UBTD1: variants seen among roughly 807,000 people sequenced by gnomAD.
UBTD1 encodes ubiquitin domain containing 1, also known as ubiquitin domain-containing protein 1.
In UBTD1, 19 loss-of-function variants were observed where a neutral mutation model predicts 21.7. The ratio of observed to expected loss-of-function variants is 0.87; its 90% confidence interval spans 0.61 to 1.28. The LOEUF (loss-of-function observed/expected upper bound fraction) is 1.28, where lower values mean the gene tolerates loss of function less well. UBTD1 is among the 50% of genes most tolerant of loss of function. UBTD1 has a pLI of 0.00. For missense variants in UBTD1, 282 were observed against 315.1 expected, an observed-to-expected ratio of 0.89 and a Z score of 0.80; for synonymous variants, 116 against 135.1, an observed-to-expected ratio of 0.86 and a Z score of 0.98.
chr10:97,506,271 G>A (rs936455209), intron 1 of UBTD1, among the ~76,000 whole-genome samples: 1 of 152,194 alleles, frequency 6.6e-6, no homozygotes, highest in Non-Finnish European at 1.5e-5. Context: ...AAGGCTCTGA[G>A]TGGGAAGAGC....
At chr10:97,523,858 C>T (rs2135665110) in intron 1 of UBTD1, among the ~76,000 whole-genome samples, 1 of 152,118 alleles carries the variant, frequency 6.6e-6, no homozygotes, top group African/African-American at 2.4e-5. Flanking sequence ...ACCCGACGTC[C>T]CTTGTTCCTG....
intron 1 of UBTD1, among the ~76,000 whole-genome samples, chr10:97,541,768 C>T (rs965896549): frequency 5.3e-5 from 7 of 130,950 alleles, no homozygotes; most frequent in South Asian, 2.5e-4. Flanking sequence ...CAATTTCACT[C>T]TTGTCATCCA....
chr10:97,529,436 G>C (rs569920621), intron 1 of UBTD1, among the ~76,000 whole-genome samples: 1 of 152,304 alleles, frequency 6.6e-6, no homozygotes, highest in Admixed American at 6.5e-5. Flanking sequence ...AGGTTGTAGC[G>C]AGCCGAGATC....
intron 1 of UBTD1, among the ~76,000 whole-genome samples, chr10:97,529,591 G>A (rs936896947): frequency 1.5e-4 from 10 of 66,382 alleles, no homozygotes; most frequent in Non-Finnish European, 3.3e-4. Context: ...GCGAAACCCC[G>A]TCTCCACCAA....
intron 1 of UBTD1, among the ~76,000 whole-genome samples, chr10:97,532,034 T>C (rs1372560016): frequency 6.6e-6 from 1 of 152,164 alleles, no homozygotes; most frequent in African/African-American, 2.4e-5. Context: ...GCTGGGTAGT[T>C]GGCCATCCTG....
intron 1 of UBTD1, among the ~76,000 whole-genome samples, chr10:97,551,703 T>TC (rs2040638244): frequency 6.6e-6 from 1 of 152,138 alleles, no homozygotes; most frequent in Non-Finnish European, 1.5e-5. Context: ...CACCGTCGGC[T>TC]CCCCAAACTC....
At chr10:97,550,637 A>C (rs1024417855) in intron 1 of UBTD1, among the ~76,000 whole-genome samples, 1 of 152,070 alleles carries the variant, frequency 6.6e-6, no homozygotes, top group Non-Finnish European at 1.5e-5. Context: ...AGTGGGATCT[A>C]TTCAGCTAGG....
intron 1 of UBTD1, among the ~76,000 whole-genome samples, chr10:97,529,732 GTGGAAAGAGAGGGAGAGGGAGACC>G (rs1280871630): frequency 0.014 from 750 of 54,782 alleles, 4 homozygotes; most frequent in Middle Eastern, 0.095. Context: ...GAGGGAGACC[GTGGAAAGAGAGGGAGAGGGAGACC>G]GTGGGGAGAG....
intron 1 of UBTD1, among the ~76,000 whole-genome samples, chr10:97,541,989 G>C (rs575853843): frequency 6.6e-6 from 1 of 152,160 alleles, no homozygotes; most frequent in Admixed American, 6.5e-5. Flanking sequence ...ACCTGCCTCG[G>C]CCTCCCAAAA....
intron 1 of UBTD1, among the ~76,000 whole-genome samples, chr10:97,528,797 G>T (rs1208728193): frequency 7.1e-6 from 1 of 141,220 alleles, no homozygotes; most frequent in South Asian, 2.3e-4. Context: ...CCTCCCGGAC[G>T]GGGCGGCTGG....
At chr10:97,531,136 C>T (rs1415450663) in intron 1 of UBTD1, among the ~76,000 whole-genome samples, 1 of 151,956 alleles carries the variant, frequency 6.6e-6, no homozygotes, top group African/African-American at 2.4e-5. Flanking sequence ...ATCCGCCCTC[C>T]TTGGCCTCCC....
Position 97,570,411 on chromosome 10 carries a change from G to C in UBTD1, c.572G>C (p.Trp191Ser), listed in dbSNP as rs1471605126. 1 of 1,613,408 alleles carries C rather than the reference G, an allele frequency of 6.2e-7. No homozygotes were observed. Among genetic ancestry groups the C allele is most frequent in the Admixed American group, 1.7e-5 (1 of 60,028 alleles). Reference sequence around the variant, plus strand: ...GGCATCGAGCCATCGTGGCAGCGGTGGTTCTTCTCCGGGAAGCTGCTCACA... The same window carrying C: ...GGCATCGAGCCATCGTGGCAGCGGTCGTTCTTCTCCGGGAAGCTGCTCACA... ...QEGIEPSWQR[W>S]FFSGKLLTDR... Residue 191 changes from tryptophan (W) to serine (S), a missense_variant, in exon 3 of 3, where the codon TGG (tryptophan) becomes TCG (serine). Coordinates refer to ENST00000370664, the MANE Select transcript of UBTD1 (RefSeq NM_024954.5). This position sits in a 1 kb window ranked among gnomAD's most constrained non-coding sequence, Gnocchi z 6.6.
chr10:97,527,417 C>T (rs533479684), intron 1 of UBTD1, among the ~76,000 whole-genome samples: 219 of 151,874 alleles, frequency 1.4e-3, no homozygotes, highest in Non-Finnish European at 2.7e-3. Flanking sequence ...GTCACTGGCC[C>T]AGAGGCCCTC....
At chr10:97,552,412 T>TTC (rs2040643620) in intron 1 of UBTD1, among the ~76,000 whole-genome samples, 1 of 135,462 alleles carries the variant, frequency 7.4e-6, no homozygotes, top group Admixed American at 7.5e-5. Flanking sequence ...TTTTTTTTTT[T>TTC]TGAAACACAG....
chr10:97,542,122 C>T (rs187238672), intron 1 of UBTD1, among the ~76,000 whole-genome samples: 7 of 152,316 alleles, frequency 4.6e-5, no homozygotes, highest in Admixed American at 3.9e-4. Flanking sequence ...CTAATAAGTT[C>T]CTGAAGCAGC....
intron 1 of UBTD1, among the ~76,000 whole-genome samples, chr10:97,531,746 G>A (rs981589644): frequency 1.3e-5 from 2 of 152,086 alleles, no homozygotes; most frequent in Non-Finnish European, 2.9e-5. Flanking sequence ...CTGGTGCTCC[G>A]AGAAACTGTC....
At chr10:97,528,871 G>A (rs1273666345) in intron 1 of UBTD1, among the ~76,000 whole-genome samples, 26 of 139,886 alleles carry the variant, frequency 1.9e-4, no homozygotes, top group African/African-American at 6.5e-4. Flanking sequence ...CTCACCTCCC[G>A]GATGGGGCGG....
intron 2 of UBTD1, 142 bp from the exon 3 acceptor site, chr10:97,569,994 TTA>T (rs2040737348): frequency 4.1e-6 from 5 of 1,233,782 alleles, no homozygotes; most frequent in Non-Finnish European, 5.6e-6. Context: ...TCATTTAACT[TTA>T]TTTATTTCTG....
chr10:97,570,572 C>T lies in UBTD1; in HGVS notation c.*49C>T, dbSNP rs1389749271. The T allele has an allele frequency of 6.5e-7, 1 of 1,540,760 alleles. No homozygotes were observed. Among genetic ancestry groups the T allele is most frequent in the East Asian group, 2.3e-5 (1 of 43,992 alleles). On this transcript the variant is annotated 3_prime_UTR_variant, in exon 3 of 3. Coordinates refer to ENST00000370664, the MANE Select transcript of UBTD1 (RefSeq NM_024954.5). This position sits in a 1 kb window ranked among gnomAD's most constrained non-coding sequence, Gnocchi z 6.6. ...AGGCCCCGCCTGGAGCACTAGGCCC[C>T]CACCCTGCTGCTGCCTTCCAGTGCT...
Sources: gnomAD v4.1 joint callset for allele counts (sites outside exome capture counted in the v4.1 genomes callset) on GRCh38, gnomAD v4.1.1 for gene constraint, Gnocchi (gnomAD v3.1) non-coding constraint, MANE v1.5 for transcripts, NCBI Gene and HGNC (gene_info 2026-07-23, HGNC 2026-07-21) for gene names.